The following RILPL2 variants were observed in gnomAD, a reference collection of about 807,000 sequenced individuals.
The protein encoded by RILPL2 is RILP-like protein 2.
A neutral mutation model predicts 22.2 loss-of-function variants in RILPL2; 19 were observed. The observed-to-expected ratio is 0.86, with a 90% CI of 0.60 to 1.25. RILPL2 has a LOEUF of 1.25. Ranked by LOEUF, RILPL2 falls within the 50% of genes most tolerant of loss-of-function variation. RILPL2 has a pLI of 0.00. For missense variants in RILPL2, 243 were observed against 263.6 expected (o/e 0.92, Z 0.54); for synonymous variants, 123 against 111.6 (o/e 1.10, Z -0.64).
At chr12:123,429,527 C>T (rs992556470) in intron 2 of RILPL2, among the ~76,000 whole-genome samples, 3 of 152,030 alleles carry the variant, frequency 2.0e-5, no homozygotes, top group Admixed American at 1.3e-4. Context: ...GAACTCCTGA[C>T]CTCGTGATCT....
At chr12:123,422,984 C>G in intron 3 of RILPL2, 60 bp downstream of exon 3, 5 of 1,264,372 alleles carry the variant, frequency 4.0e-6, no homozygotes, top group Non-Finnish European at 5.8e-6. Flanking sequence ...TCTTCTTGCC[C>G]CCGACTACTT....
chr12:123,419,566 T>C (rs1309560410), intron 3 of RILPL2, among the ~76,000 whole-genome samples: 1 of 151,730 alleles, frequency 6.6e-6, no homozygotes, highest in African/African-American at 2.4e-5. Flanking sequence ...GTTGCTCCAG[T>C]TCTATTCTGG....
chr12:123,416,072 A>AT, intron 3 of RILPL2, 151 bp from the exon 4 acceptor site: 5 of 812,866 alleles, frequency 6.2e-6, no homozygotes, highest in Non-Finnish European at 8.5e-6. Flanking sequence ...TAATCCTATG[A>AT]TTTTGGGAAG....
rs916020826 is a variant in RILPL2, at chr12:123,431,562, G to A, written c.340-903C>T. On this transcript the variant is annotated intron_variant, in intron 1 of 3. Coordinates refer to ENST00000280571, the MANE Select transcript of RILPL2 (RefSeq NM_145058.3). ...AGATGGGCCGGGCACGGTGGCTCAC[G>A]CCTGTTATCCCAGCACTTTGGGAGG... is the stretch of plus-strand genomic sequence containing the variant. Among the ~76,000 whole-genome samples the A allele has an allele frequency of 2.6e-5, 4 of 152,082 alleles. 1 individual carries two copies. Among genetic ancestry groups the A allele is most frequent in the Non-Finnish European group, 5.9e-5 (4 of 68,018 alleles).
intron 3 of RILPL2, among the ~76,000 whole-genome samples, chr12:123,422,156 T>TC (rs1879302568): frequency 1.3e-5 from 2 of 151,076 alleles, no homozygotes; most frequent in Non-Finnish European, 1.5e-5. Flanking sequence ...GGACCACAGG[T>TC]GCAGGCCACC....
chr12:123,429,209 T>G (rs28478828), intron 2 of RILPL2, among the ~76,000 whole-genome samples: 1 of 151,940 alleles, frequency 6.6e-6, no homozygotes, highest in African/African-American at 2.4e-5. Flanking sequence ...AGGCTGGCCT[T>G]GAATCCCTGG....
rs1394290427 is a variant in RILPL2, at chr12:123,436,272, C to A, written c.149G>T (p.Arg50Leu). ...DVYDISYLLG[R>L]ELMALGSDPR... ...GTCGCTGCCCAGGGCCATAAGCTCGCGGCCCAACAGGTAGGAGATGTCATA... is the reference window on the plus strand; with the variant it reads ...GTCGCTGCCCAGGGCCATAAGCTCGAGGCCCAACAGGTAGGAGATGTCATA... The change falls in exon 1 of 4, where the codon CGC becomes CTC. Residue 50 changes from arginine (R) to leucine (L), a missense_variant. Arg to Leu is a moderately radical substitution (Grantham distance 102). Coordinates refer to ENST00000280571, the MANE Select transcript of RILPL2 (RefSeq NM_145058.3). The surrounding 1 kb of genome is among the most constrained non-coding windows in gnomAD (Gnocchi z 6.7). 8 of 1,608,784 alleles carry A rather than the reference C, an allele frequency of 5.0e-6. No individual in the cohort carries two copies. Among genetic ancestry groups the A allele is most frequent in the Non-Finnish European group, 6.8e-6 (8 of 1,177,906 alleles).
chr12:123,421,706 T>C (rs1258016793), intron 3 of RILPL2, among the ~76,000 whole-genome samples: 4 of 150,030 alleles, frequency 2.7e-5, no homozygotes. Flanking sequence ...CTCGCTCTGT[T>C]GCCCAGGCTA....
At chr12:123,430,481 C>T (rs769995181) in intron 2 of RILPL2, 27 bp downstream of exon 2, 1 of 1,588,826 alleles carries the variant, frequency 6.3e-7, no homozygotes, top group South Asian at 1.1e-5. Flanking sequence ...GGTCTGGGTG[C>T]AGGACCCTCC....
At chr12:123,431,694 C>A (rs979798040) in intron 1 of RILPL2, among the ~76,000 whole-genome samples, 1 of 150,294 alleles carries the variant, frequency 6.7e-6, no homozygotes, top group African/African-American at 2.4e-5. Context: ...GGCGTGGTGG[C>A]AGGCGCCTGT....
downstream of RILPL2, among the ~76,000 whole-genome samples, chr12:123,410,482 G>A (rs1025455178): frequency 6.6e-6 from 1 of 152,146 alleles, no homozygotes; most frequent in Non-Finnish European, 1.5e-5. Context: ...CTCAAATAGG[G>A]ATAATCTCTG....
At position 123,436,584 on chromosome 12, in the gene RILPL2, C is replaced by A; in HGVS notation, c.-164G>T. The A allele has an allele frequency of 8.6e-7, 1 of 1,167,894 alleles. No homozygotes were observed. Among genetic ancestry groups the A allele is most frequent in the Middle Eastern group, 2.8e-4 (1 of 3,556 alleles). 72.3% of individuals were successfully genotyped at this position (1,167,894 alleles called of 1,614,324 possible). On this transcript the variant is annotated 5_prime_UTR_variant, in exon 1 of 4. Coordinates refer to ENST00000280571, the MANE Select transcript of RILPL2 (RefSeq NM_145058.3). This position sits in a 1 kb window ranked among gnomAD's most constrained non-coding sequence, Gnocchi z 6.7. ...GGGATGGTGCAAGGGGCCGCGCACG[C>A]GACTCTTGGGCCTGCGCCCCGGCGC...
chr12:123,426,685 C>T (rs1879450347), intron 2 of RILPL2, among the ~76,000 whole-genome samples: 1 of 152,120 alleles, frequency 6.6e-6, no homozygotes, highest in African/African-American at 2.4e-5. Context: ...ACTGCAGGCT[C>T]TGCCCCCCGG....
intron 3 of RILPL2, among the ~76,000 whole-genome samples, chr12:123,419,974 C>T (rs1244103724): frequency 1.4e-5 from 2 of 147,176 alleles, no homozygotes; most frequent in Admixed American, 6.9e-5. Flanking sequence ...TATAGGTACA[C>T]GCCACCACAC....
At position 123,435,982 on chromosome 12, in the gene RILPL2, A is replaced by T. The variant is rs1321516120; in HGVS notation, c.339+100T>A. 8 of 1,434,934 alleles carry T rather than the reference A, an allele frequency of 5.6e-6. No individual in the cohort carries two copies. The East Asian group carries it at 1.7e-4, about 31-fold the overall frequency. 88.9% of individuals were successfully genotyped at this position (1,434,934 alleles called of 1,614,324 possible). ...ATCTCTTAAAAAAAGAAAAAAGAGA[A>T]AAGAGAAGAGAAAAGAAAAGGAAGG... is the stretch of plus-strand genomic sequence containing the variant. On this transcript the variant is annotated intron_variant, in intron 1 of 3. Coordinates refer to ENST00000280571, the MANE Select transcript of RILPL2 (RefSeq NM_145058.3).
At chr12:123,431,812 C>T (rs1185323395) in intron 1 of RILPL2, among the ~76,000 whole-genome samples, 2 of 139,092 alleles carry the variant, frequency 1.4e-5, no homozygotes, top group Non-Finnish European at 3.1e-5. Flanking sequence ...GGCGACAGAG[C>T]GAAACTCCAT....
At chr12:123,418,756 C>CTTTTTTTTTTTTTTTTTTTT (rs1202023726) in intron 3 of RILPL2, among the ~76,000 whole-genome samples, 1 of 96,240 alleles carries the variant, frequency 1.0e-5, no homozygotes, top group Non-Finnish European at 2.0e-5. Flanking sequence ...CTTTTTCTTT[C>CTTTTTTTTTTTTTTTTTTTT]TTTTTTTTTT....
intron 1 of RILPL2, among the ~76,000 whole-genome samples, chr12:123,431,805 G>A (rs1260384005): frequency 4.2e-5 from 6 of 143,860 alleles, no homozygotes; most frequent in Admixed American, 1.4e-4. Flanking sequence ...CAGCCTGGGC[G>A]ACAGAGCGAA....
intron 3 of RILPL2, among the ~76,000 whole-genome samples, chr12:123,419,082 C>G (rs1312396447): frequency 6.7e-6 from 1 of 150,110 alleles, no homozygotes; most frequent in Admixed American, 6.7e-5. Context: ...ACGATCTCGG[C>G]TCACTGCAAG....
Sources: gnomAD v4.1 joint callset for allele counts (sites outside exome capture counted in the v4.1 genomes callset) on GRCh38, gnomAD v4.1.1 for gene constraint, Gnocchi (gnomAD v3.1) non-coding constraint, MANE v1.5 for transcripts, NCBI Gene and HGNC (gene_info 2026-07-23, HGNC 2026-07-21) for gene names.